Variants in KIF6 observed in about 807,000 individuals in gnomAD.
The protein encoded by KIF6 is kinesin-like protein KIF6.
Under a neutral mutation model 112.7 loss-of-function variants are expected in KIF6, and 106 were observed. The observed-to-expected ratio is 0.94, with a 90% CI of 0.80 to 1.11. KIF6 has a LOEUF of 1.11. Among genes scored for constraint, KIF6 ranks in the 50% least tolerant of loss-of-function variants. The pLI, the probability that KIF6 is intolerant of heterozygous loss-of-function variation, is 0.00. For synonymous variants in KIF6, 339 were observed against 339.9 expected (o/e 1.00, Z 0.03); for missense variants, 929 against 964.0 (o/e 0.96, Z 0.48).
chr6:39,606,813 A>C (rs1438797249), intron 6 of KIF6, among the ~76,000 whole-genome samples: 3 of 152,156 alleles, frequency 2.0e-5, no homozygotes, highest in Non-Finnish European at 4.4e-5. Flanking sequence ...GTCTTCCTCC[A>C]TACTTGCCTG....
In KIF6 at chr6:39,570,515, C is replaced by T. The variant is rs1582160058; in HGVS notation, c.1181+7541G>A. Among the ~76,000 whole-genome samples the T allele has an allele frequency of 3.3e-5, 5 of 152,238 alleles. 2 individuals carry two copies. The highest frequency in any genetic ancestry group is 3.3e-4 in the Admixed American group (5 of 15,284). ...TGGCAATCCACCTATAGTAAGCTTGCACGTAGGAAGATTATGATCCTATGG... is the reference window on the plus strand; with the variant it reads ...TGGCAATCCACCTATAGTAAGCTTGTACGTAGGAAGATTATGATCCTATGG... On this transcript the variant is annotated intron_variant, in intron 10 of 22. Coordinates refer to ENST00000287152, the MANE Select transcript of KIF6 (RefSeq NM_145027.6).
chr6:39,423,456 GC>G (rs1321660246), intron 14 of KIF6, among the ~76,000 whole-genome samples: 18 of 151,866 alleles, frequency 1.2e-4, no homozygotes, highest in African/African-American at 4.3e-4. Context: ...TTTGTCCTAG[GC>G]CCACTCCTCA....
chr6:39,501,999 T>C (rs1011202044), intron 13 of KIF6, among the ~76,000 whole-genome samples: 6 of 151,736 alleles, frequency 4.0e-5, no homozygotes, highest in African/African-American at 1.5e-4. Flanking sequence ...AGTAAGATAC[T>C]CCATGAGAAG....
intron 13 of KIF6, among the ~76,000 whole-genome samples, chr6:39,460,510 A>T (rs1420002745): frequency 2.1e-5 from 3 of 144,454 alleles, no homozygotes; most frequent in Non-Finnish European, 3.0e-5. Context: ...TGTACCCTAA[A>T]ACTTAAAGTA....
chr6:39,402,191 C>T (rs1297535810), intron 15 of KIF6, among the ~76,000 whole-genome samples: 1 of 152,074 alleles, frequency 6.6e-6, no homozygotes, highest in African/African-American at 2.4e-5. Context: ...TTCAATTCAG[C>T]TTCTACTTGG....
In KIF6 at chr6:39,544,955, C is replaced by T. The variant is rs561342077; in HGVS notation, c.1288-262G>A. ...CCTAAATTGGGAAATGCCTACTCAA[C>T]ATTATCTCTTCTTGGACTCCTTTCC... On this transcript the variant is annotated intron_variant, in intron 11 of 22. Transcript: ENST00000287152. Among the ~76,000 whole-genome samples, 6 of 152,248 alleles carry T rather than the reference C, an allele frequency of 3.9e-5. No individual in the cohort carries two copies. The South Asian group carries it at 1.0e-3, about 26-fold the overall frequency.
intron 10 of KIF6, among the ~76,000 whole-genome samples, chr6:39,546,204 A>AT (rs890081622): frequency 1.3e-5 from 2 of 152,036 alleles, no homozygotes; most frequent in Non-Finnish European, 2.9e-5. Flanking sequence ...TCACTTCTTT[A>AT]TTGGTGAAAG....
rs1363951480 is a variant in KIF6 at position 39,337,166 on chromosome 6, TC to T, written c.2429-619del. On this transcript the variant is annotated intron_variant, in intron 22 of 22. Transcript: ENST00000287152. Reference sequence around the variant, plus strand: ...TTCCTTTCTCTTTCTTTTCTTTCTTTCCTTCCTTCTTTCTTTCTTTCTTTCT... The same window carrying T: ...TTCCTTTCTCTTTCTTTTCTTTCTTTCTTCCTTCTTTCTTTCTTTCTTTCT... 8.1e-3 allele frequency among the ~76,000 whole-genome samples: 554 copies of T among 68,584 alleles called. 22 individuals are homozygous for T. Among genetic ancestry groups the T allele is most frequent in the African/African-American group, 0.032 (201 of 6,244 alleles). 45.0% of individuals were successfully genotyped at this position (68,584 alleles called of 152,430 possible).
At chr6:39,366,503 G>A (rs1430156279) in intron 16 of KIF6, among the ~76,000 whole-genome samples, 1 of 152,170 alleles carries the variant, frequency 6.6e-6, no homozygotes, top group African/African-American at 2.4e-5. Context: ...GGTGCTATGA[G>A]GAAAGACAAA....
chr6:39,372,754 G>T (rs1263488885), intron 16 of KIF6, among the ~76,000 whole-genome samples: 5 of 152,090 alleles, frequency 3.3e-5, no homozygotes, highest in African/African-American at 1.2e-4. Context: ...CCTTTCTCCT[G>T]GGCAGGCTCC....
At chr6:39,371,398 C>T (rs991850804) in intron 16 of KIF6, among the ~76,000 whole-genome samples, 3 of 152,134 alleles carry the variant, frequency 2.0e-5, no homozygotes, top group Admixed American at 2.0e-4. Flanking sequence ...CAGTGGGGAA[C>T]AGCAGCAAGT....
intron 7 of KIF6, among the ~76,000 whole-genome samples, chr6:39,594,755 T>A (rs1459262436): frequency 4.6e-5 from 7 of 152,222 alleles, no homozygotes; most frequent in Admixed American, 2.6e-4. Flanking sequence ...TCTAATCTTT[T>A]AGCTGCAACA....
At chr6:39,598,229 G>C (rs116400155) in intron 6 of KIF6, among the ~76,000 whole-genome samples, 2 of 151,810 alleles carry the variant, frequency 1.3e-5, no homozygotes, top group Non-Finnish European at 2.9e-5. Flanking sequence ...AAGAACTCTT[G>C]CAAATCAGTG....
chr6:39,713,306 T>A lies in KIF6; in HGVS notation c.251+1386A>T, dbSNP rs540782320. On this transcript the variant is annotated intron_variant, in intron 3 of 22. Transcript: ENST00000287152. ...CAGACATATCACATAGCATGAGGACTGGGAAATGATCATTATTAAATTTAG... is the reference window on the plus strand; with the variant it reads ...CAGACATATCACATAGCATGAGGACAGGGAAATGATCATTATTAAATTTAG... 2.6e-5 allele frequency among the ~76,000 whole-genome samples: 4 copies of A among 152,350 alleles called. No individual in the cohort carries two copies. In the South Asian group the frequency reaches 8.3e-4, roughly 32 times the overall value.
At chr6:39,704,274 C>G (rs1310966327) in intron 3 of KIF6, among the ~76,000 whole-genome samples, 1 of 152,110 alleles carries the variant, frequency 6.6e-6, no homozygotes, top group Non-Finnish European at 1.5e-5. Flanking sequence ...ATTGGATTGT[C>G]ATGGCAAATG....
At chr6:39,467,181 C>T (rs765783474) in intron 13 of KIF6, among the ~76,000 whole-genome samples, 2 of 152,198 alleles carry the variant, frequency 1.3e-5, no homozygotes, top group African/African-American at 2.4e-5. Context: ...ATGAAAAGGA[C>T]ACTCACTAGT....
intron 6 of KIF6, among the ~76,000 whole-genome samples, chr6:39,609,672 A>T (rs1040602442): frequency 9.9e-5 from 15 of 152,134 alleles, no homozygotes; most frequent in Admixed American, 2.0e-4. Flanking sequence ...TTAAAACAAG[A>T]TTTCTTTTTT....
chr6:39,414,992 G>C (rs566609927), intron 15 of KIF6, among the ~76,000 whole-genome samples: 13 of 152,128 alleles, frequency 8.5e-5, no homozygotes, highest in African/African-American at 3.1e-4. Context: ...TTCAAGATCA[G>C]CCTGGCCAAG....
intron 5 of KIF6, among the ~76,000 whole-genome samples, chr6:39,613,661 A>AT (rs1204662679): frequency 7.2e-5 from 11 of 152,096 alleles, no homozygotes; most frequent in Non-Finnish European, 1.5e-4. Flanking sequence ...ACTAGGCCAT[A>AT]TTTTTTCTGT....
Sources: gnomAD v4.1 joint callset for allele counts (sites outside exome capture counted in the v4.1 genomes callset) on GRCh38, gnomAD v4.1.1 for gene constraint, MANE v1.5 for transcripts, NCBI Gene and HGNC (gene_info 2026-07-23, HGNC 2026-07-21) for gene names.